TRPM3: variants seen among roughly 807,000 people sequenced by gnomAD.
TRPM3 encodes transient receptor potential cation channel subfamily M member 3.
In TRPM3, 77 loss-of-function variants were observed where a neutral mutation model predicts 181.2. That is an observed-to-expected ratio of 0.42 (90% CI 0.35 to 0.51). TRPM3 has a LOEUF of 0.51. TRPM3 is among the 20% of genes least tolerant of loss of function. The pLI, the probability that TRPM3 is intolerant of heterozygous loss-of-function variation, is 0.01. For synonymous variants in TRPM3, 745 were observed against 796.4 expected (o/e 0.94, Z 1.09); for missense variants, 1,759 against 2,196.7 (o/e 0.80, Z 3.98).
intron 22 of TRPM3, chr9:70,579,181 T>A (rs577026390): frequency 2.0e-5 from 3 of 152,720 alleles, no homozygotes; most frequent in African/African-American, 7.2e-5. Flanking sequence ...AGTCTCGCTA[T>A]GTTGCCCAGG....
chr9:71,096,357 CA>C (rs931653041), intron 1 of TRPM3, among the ~76,000 whole-genome samples: 32 of 149,834 alleles, frequency 2.1e-4, no homozygotes, highest in African/African-American at 7.1e-4. Context: ...ACAAGGTAAT[CA>C]TGTCCATGGT....
At chr9:71,368,723 CT>C (rs2092418146) in intron 1 of TRPM3, among the ~76,000 whole-genome samples, 1 of 152,092 alleles carries the variant, frequency 6.6e-6, no homozygotes, top group Non-Finnish European at 1.5e-5. Context: ...CATGTGTTGG[CT>C]TTGGTTCGTT....
chr9:71,131,085 T>C (rs924086151), intron 1 of TRPM3, among the ~76,000 whole-genome samples: 5 of 152,320 alleles, frequency 3.3e-5, no homozygotes, highest in African/African-American at 1.2e-4. Flanking sequence ...CTCCTCGTTT[T>C]TGATAATGTG....
At chr9:71,363,060 A>C (rs571905264) in intron 1 of TRPM3, among the ~76,000 whole-genome samples, 4 of 152,326 alleles carry the variant, frequency 2.6e-5, no homozygotes, top group African/African-American at 9.6e-5. Flanking sequence ...AGAAAACAGA[A>C]ATGTTAATTG....
At chr9:71,165,269 T>C (rs2076484201) in intron 1 of TRPM3, among the ~76,000 whole-genome samples, 2 of 152,164 alleles carry the variant, frequency 1.3e-5, no homozygotes, top group African/African-American at 4.8e-5. Flanking sequence ...CATAAATATA[T>C]ATACAGCATT....
intron 1 of TRPM3, among the ~76,000 whole-genome samples, chr9:71,084,835 A>G (rs2065006989): frequency 6.6e-6 from 1 of 152,090 alleles, no homozygotes; most frequent in South Asian, 2.1e-4. Flanking sequence ...GTCCTAGGCA[A>G]TAAGAACAAA....
chr9:70,645,769 A>AAAACT (rs2058751192), intron 9 of TRPM3, among the ~76,000 whole-genome samples: 2 of 151,388 alleles, frequency 1.3e-5, no homozygotes, highest in African/African-American at 2.4e-5. Flanking sequence ...AAAAATAAAT[A>AAAACT]AAACTATCAT....
chr9:71,040,691 T>C (rs1021431189), intron 1 of TRPM3, among the ~76,000 whole-genome samples: 5 of 152,096 alleles, frequency 3.3e-5, no homozygotes, highest in Admixed American at 3.3e-4. Flanking sequence ...AAGACAAATC[T>C]AGCAAGCATC....
chr9:71,176,396 T>C (rs1254163233), intron 1 of TRPM3, among the ~76,000 whole-genome samples: 1 of 152,134 alleles, frequency 6.6e-6, no homozygotes, highest in African/African-American at 2.4e-5. Context: ...TAAAATAACA[T>C]ACTTTTTAAT....
intron 1 of TRPM3, among the ~76,000 whole-genome samples, chr9:71,099,460 C>T (rs371392804): frequency 3.9e-5 from 6 of 152,178 alleles, no homozygotes; most frequent in African/African-American, 1.4e-4. Context: ...AGCTCTCTCA[C>T]GTCTCACCAT....
At chr9:70,581,533 G>A (rs2055672035) in intron 22 of TRPM3, among the ~76,000 whole-genome samples, 1 of 152,234 alleles carries the variant, frequency 6.6e-6, no homozygotes, top group Admixed American at 6.5e-5. Flanking sequence ...TAATGTGTGA[G>A]CCTTGCTGGG....
chr9:71,039,796 T>C (rs2058621832), intron 1 of TRPM3, among the ~76,000 whole-genome samples: 1 of 152,172 alleles, frequency 6.6e-6, no homozygotes, highest in South Asian at 2.1e-4. Flanking sequence ...ACTATAATTA[T>C]CATTATACCC....
chr9:70,948,456 A>G (rs2096960256), intron 1 of TRPM3, among the ~76,000 whole-genome samples: 1 of 152,154 alleles, frequency 6.6e-6, no homozygotes, highest in South Asian at 2.1e-4. Flanking sequence ...AAATCTTGAA[A>G]AACAAAGAGC....
chr9:71,225,058 G>C (rs1359480257), intron 1 of TRPM3, among the ~76,000 whole-genome samples: 1 of 152,126 alleles, frequency 6.6e-6, no homozygotes, highest in Non-Finnish European at 1.5e-5. Flanking sequence ...GATAACAACA[G>C]AGAATGTCCC....
intron 6 of TRPM3, among the ~76,000 whole-genome samples, chr9:70,804,472 T>C (rs2090154965): frequency 6.6e-6 from 1 of 152,184 alleles, no homozygotes; most frequent in African/African-American, 2.4e-5. Flanking sequence ...TGTTTGTTTT[T>C]CTCTTTCTCT....
chr9:70,989,235 C>T (rs1260110642), intron 1 of TRPM3, among the ~76,000 whole-genome samples: 1 of 152,092 alleles, frequency 6.6e-6, no homozygotes, highest in African/African-American at 2.4e-5. Context: ...TTCACAAACA[C>T]CTAAGCTTAT....
chr9:70,965,772 C>A (rs981207991), intron 1 of TRPM3, among the ~76,000 whole-genome samples: 4 of 151,812 alleles, frequency 2.6e-5, no homozygotes, highest in African/African-American at 9.7e-5. Context: ...TGTATCTCTG[C>A]CAGGTTTTGG....
At chr9:71,213,084 T>C (rs986790679) in intron 1 of TRPM3, among the ~76,000 whole-genome samples, 1 of 152,234 alleles carries the variant, frequency 6.6e-6, no homozygotes, top group African/African-American at 2.4e-5. Flanking sequence ...ATGTTTTCTC[T>C]CAATGGCCAG....
intron 8 of TRPM3, among the ~76,000 whole-genome samples, chr9:70,682,995 A>C (rs1208664985): frequency 2.0e-5 from 3 of 152,224 alleles, no homozygotes; most frequent in Middle Eastern, 3.2e-3. Flanking sequence ...CCAGTCCACC[A>C]CCTAAAGACA....
Sources: allele counts gnomAD v4.1 joint callset (sites outside exome capture counted in the v4.1 genomes callset), GRCh38; gene constraint gnomAD v4.1.1; transcripts MANE v1.5; gene names NCBI Gene and HGNC (gene_info 2026-07-23, HGNC 2026-07-21).